Variants in KAT2B observed in about 807,000 individuals in gnomAD.
KAT2B encodes the protein lysine acetyltransferase 2B.
KAT2B carries 36 observed loss-of-function variants against 105.9 expected under a neutral mutation model. The ratio of observed to expected loss-of-function variants is 0.34; its 90% CI spans 0.26 to 0.45. The LOEUF is 0.45. KAT2B is among the 20% of genes least tolerant of loss of function. KAT2B has a pLI of 1.00. For missense variants in KAT2B, 820 were observed against 1,021.6 expected, an observed-to-expected ratio of 0.80 and a Z score of 2.69; for synonymous variants, 397 against 377.9, an observed-to-expected ratio of 1.05 and a Z score of -0.59.
rs192737615 is a variant in KAT2B at position 20,148,318 on chromosome 3, C to T, written c.2220+12C>T. 1 of 1,613,014 alleles carries T rather than the reference C, an allele frequency of 6.2e-7. No individual in the cohort carries two copies. Among genetic ancestry groups the T allele is most frequent in the African/African-American group, 1.3e-5 (1 of 74,994 alleles). On this transcript the variant is annotated intron_variant, in intron 16 of 17. Transcript: ENST00000263754. The stretch of plus-strand genomic sequence containing the variant: ...TCCAGCAGGTGAAGGTGGGTGTCCT[C>T]TTTATTCACCTCATGCAAATATTTT...
intron 1 of KAT2B, among the ~76,000 whole-genome samples, chr3:20,047,706 G>A (rs1202325928): frequency 2.0e-5 from 3 of 146,632 alleles, no homozygotes; most frequent in Admixed American, 1.4e-4. Flanking sequence ...TCCACCTCCC[G>A]GGTTCAAGCA....
chr3:20,130,324 T>A (rs1699486463), intron 11 of KAT2B, among the ~76,000 whole-genome samples: 1 of 152,216 alleles, frequency 6.6e-6, no homozygotes, highest in Non-Finnish European at 1.5e-5. Context: ...TGGCTCATTT[T>A]CAAGGAATTC....
intron 1 of KAT2B, among the ~76,000 whole-genome samples, chr3:20,066,893 T>C (rs902101121): frequency 1.3e-5 from 2 of 152,192 alleles, no homozygotes; most frequent in African/African-American, 4.8e-5. Context: ...TAATACGAAG[T>C]CTTTGAAATT....
chr3:20,040,483 C>G lies in KAT2B; in HGVS notation c.6C>G (p.Ser2=). The change falls in exon 1 of 18, where the codon TCC becomes TCG. Residue 2 remains serine, a synonymous_variant. Transcript: ENST00000263754. The part of the protein sequence containing the change: M[S]EAGGAGPGGC... Reference sequence around the variant, plus strand: ...CTGCCGTGCTCCGGGGCGGCATGTCCGAGGCTGGCGGGGCCGGGCCGGGCG... The same window carrying G: ...CTGCCGTGCTCCGGGGCGGCATGTCGGAGGCTGGCGGGGCCGGGCCGGGCG... 1.9e-6 allele frequency: 2 copies of G among 1,054,004 alleles called. No homozygotes were observed. The highest frequency in any genetic ancestry group is 2.3e-6 in the Non-Finnish European group (2 of 876,306). 65.3% of individuals were successfully genotyped at this position (1,054,004 alleles called of 1,614,324 possible).
At chr3:20,056,591 T>C (rs1261360220) in intron 1 of KAT2B, among the ~76,000 whole-genome samples, 2 of 152,188 alleles carry the variant, frequency 1.3e-5, no homozygotes, top group Non-Finnish European at 2.9e-5. Context: ...TTGTTTTTAA[T>C]AAAGAGGCTA....
intron 3 of KAT2B, among the ~76,000 whole-genome samples, chr3:20,098,869 A>C (rs776848012): frequency 1.3e-5 from 2 of 152,110 alleles, no homozygotes; most frequent in Non-Finnish European, 2.9e-5. Flanking sequence ...TGTAAGACAC[A>C]GTTCAGTGGT....
chr3:20,053,814 T>A lies in KAT2B; in HGVS notation c.303+13034T>A, dbSNP rs549637736. Among the ~76,000 whole-genome samples the A allele has an allele frequency of 6.6e-5, 10 of 152,306 alleles. No homozygotes were observed. The South Asian group carries it at 2.1e-3, about 32-fold the overall frequency. On this transcript the variant is annotated intron_variant, in intron 1 of 17. Coordinates refer to ENST00000263754, the MANE Select transcript of KAT2B (RefSeq NM_003884.5). ...ATTTATTTTTATTTTATTTTATTTT[T>A]TTGAGATGGAGTCTCACTCTGTAGC...
intron 2 of KAT2B, among the ~76,000 whole-genome samples, chr3:20,083,001 G>A (rs767052616): frequency 1.3e-5 from 2 of 152,152 alleles, no homozygotes; most frequent in Non-Finnish European, 2.9e-5. Context: ...ACAGTAGGGG[G>A]TGCTTATTAA....
intron 4 of KAT2B, 126 bp downstream of exon 4, chr3:20,100,080 T>C: frequency 1.7e-6 from 1 of 603,242 alleles, no homozygotes; most frequent in South Asian, 2.2e-5. Flanking sequence ...TACCAGTCTG[T>C]GGAAATTGTC....
intron 14 of KAT2B, chr3:20,146,705 T>G: frequency 4.4e-6 from 1 of 225,980 alleles, no homozygotes; most frequent in Non-Finnish European, 8.8e-6. Context: ...TGCGAATTAT[T>G]ACACATATGC....
At chr3:20,053,517 A>G (rs1268152865) in intron 1 of KAT2B, among the ~76,000 whole-genome samples, 1 of 152,242 alleles carries the variant, frequency 6.6e-6, no homozygotes, top group African/African-American at 2.4e-5. Context: ...TTTGGGTGAC[A>G]GAGTGAGACC....
chr3:20,125,039 T>C lies in KAT2B; in HGVS notation c.1414-866T>C, dbSNP rs541492340. Among the ~76,000 whole-genome samples the C allele has an allele frequency of 5.3e-5, 8 of 152,274 alleles. No individual in the cohort carries two copies. The South Asian group carries it at 1.7e-3, about 32-fold the overall frequency. On this transcript the variant is annotated intron_variant, in intron 9 of 17. Coordinates refer to ENST00000263754, the MANE Select transcript of KAT2B (RefSeq NM_003884.5). ...AAAAGAGGTGTTAAGAATATATACA[T>C]GAGGCCGGGCGCGGTGGCTCAGCCT...
At chr3:20,062,282 A>AATATATGATATATATAAT (rs1698144240) in intron 1 of KAT2B, among the ~76,000 whole-genome samples, 1 of 50,808 alleles carries the variant, frequency 2.0e-5, no homozygotes, top group African/African-American at 6.7e-5. Flanking sequence ...TAATATATAA[A>AATATATGATATATATAAT]ATATAATATA....
chr3:20,125,230 G>A (rs992758761), intron 9 of KAT2B, among the ~76,000 whole-genome samples: 1 of 151,722 alleles, frequency 6.6e-6, no homozygotes. Flanking sequence ...GCATGAACCC[G>A]GGAGGCGGAG....
At chr3:20,097,688 C>T (rs749199116) in intron 3 of KAT2B, among the ~76,000 whole-genome samples, 4 of 151,964 alleles carry the variant, frequency 2.6e-5, no homozygotes, top group South Asian at 2.1e-4. Context: ...AGGTGTGTGC[C>T]GCCATGCCCG....
intron 1 of KAT2B, among the ~76,000 whole-genome samples, chr3:20,068,333 G>A (rs1044530439): frequency 2.0e-5 from 3 of 150,960 alleles, no homozygotes; most frequent in South Asian, 2.1e-4. Context: ...TACCCACTGC[G>A]CTGTAGCCAC....
intron 1 of KAT2B, among the ~76,000 whole-genome samples, chr3:20,050,693 C>T (rs887396560): frequency 2.0e-5 from 3 of 150,286 alleles, no homozygotes; most frequent in Non-Finnish European, 3.0e-5. Flanking sequence ...TGGACAACCT[C>T]ATGGGATGAA....
intron 1 of KAT2B, among the ~76,000 whole-genome samples, chr3:20,064,809 G>A (rs979304130): frequency 3.3e-4 from 50 of 152,300 alleles, no homozygotes; most frequent in African/African-American, 1.1e-3. Context: ...TTCCATCAAC[G>A]TGTTCTTGCT....
At chr3:20,150,346 T>C (rs1337609366) in intron 17 of KAT2B, among the ~76,000 whole-genome samples, 1 of 152,204 alleles carries the variant, frequency 6.6e-6, no homozygotes, top group Admixed American at 6.5e-5. Flanking sequence ...GATTTCCTTA[T>C]TTGATTTTTC....
Sources: gnomAD v4.1 joint callset for allele counts (sites outside exome capture counted in the v4.1 genomes callset) on GRCh38, gnomAD v4.1.1 for gene constraint, MANE v1.5 for transcripts, NCBI Gene and HGNC (gene_info 2026-07-23, HGNC 2026-07-21) for gene names.